The following PDLIM5 variants were observed in gnomAD, a reference collection of about 807,000 sequenced individuals.
The protein encoded by PDLIM5 is PDZ and LIM domain protein 5.
A neutral mutation model predicts 64.2 loss-of-function variants in PDLIM5; 34 were observed. The ratio of observed to expected loss-of-function variants is 0.53; its 90% confidence interval spans 0.40 to 0.71. PDLIM5 has a LOEUF of 0.71. PDLIM5 is among the 30% of genes least tolerant of loss of function. The probability of loss-of-function intolerance (pLI) is 0.00; values close to 1 mark genes in which losing one functional copy is unlikely to be tolerated. For synonymous variants in PDLIM5, 253 were observed against 269.1 expected (o/e 0.94, Z 0.59); for missense variants, 683 against 733.6 (o/e 0.93, Z 0.80).
intron 9 of PDLIM5, among the ~76,000 whole-genome samples, chr4:94,645,564 T>C (rs1009448538): frequency 6.6e-6 from 1 of 152,188 alleles, no homozygotes; most frequent in African/African-American, 2.4e-5. Flanking sequence ...ATTCATTAAA[T>C]ATTTATTGAG....
intron 2 of PDLIM5, among the ~76,000 whole-genome samples, chr4:94,506,174 G>C (rs1415411881): frequency 6.6e-6 from 1 of 152,172 alleles, no homozygotes; most frequent in Non-Finnish European, 1.5e-5. Context: ...GCCAAGTGTG[G>C]GAAGTACTGC....
chr4:94,480,774 C>G (rs1447597752), intron 2 of PDLIM5, among the ~76,000 whole-genome samples: 1 of 152,102 alleles, frequency 6.6e-6, no homozygotes, highest in African/African-American at 2.4e-5. Context: ...CTCTGTCATA[C>G]AGAGAGGGCA....
At chr4:94,650,355 A>G (rs1206415707) in intron 9 of PDLIM5, among the ~76,000 whole-genome samples, 1 of 152,232 alleles carries the variant, frequency 6.6e-6, no homozygotes, top group Admixed American at 6.5e-5. Flanking sequence ...ACAAAAACAT[A>G]AAAGTGGTTT....
chr4:94,550,730 G>A (rs1560695902), intron 3 of PDLIM5, among the ~76,000 whole-genome samples: 1 of 152,054 alleles, frequency 6.6e-6, no homozygotes, highest in African/African-American at 2.4e-5. Context: ...CATACTTGAG[G>A]AGCAAAAGGG....
At chr4:94,572,856 A>G (rs1734924588) in intron 3 of PDLIM5, among the ~76,000 whole-genome samples, 1 of 152,232 alleles carries the variant, frequency 6.6e-6, no homozygotes, top group Non-Finnish European at 1.5e-5. Flanking sequence ...ATATTCATTC[A>G]TTGACCCAAT....
rs1553940971 is a variant in PDLIM5 at position 94,494,432 on chromosome 4, G to GGTTTTTTTTTTTTTTTTTTTTTT, written c.97-29292_97-29291insGTTTTTTTTTTTTTTTTTTTTTT. Among the ~76,000 whole-genome samples, 52 of 70,772 alleles carry GGTTTTTTTTTTTTTTTTTTTTTT rather than the reference G, an allele frequency of 7.3e-4. 7 individuals carry two copies. Among genetic ancestry groups the GGTTTTTTTTTTTTTTTTTTTTTT allele is most frequent in the Non-Finnish European group, 1.1e-3 (40 of 36,262 alleles). 46.4% of individuals were successfully genotyped at this position (70,772 alleles called of 152,430 possible). ...AGCATTCACTAATTTTTTTTTTCTT[G>GGTTTTTTTTTTTTTTTTTTTTTT]TTTTTTTTTTTTTTTTTTTTTTTTG... On this transcript the variant is annotated intron_variant, in intron 2 of 12. Coordinates refer to ENST00000317968, the MANE Select transcript of PDLIM5 (RefSeq NM_006457.5).
At chr4:94,654,212 G>A (rs931777367) in intron 9 of PDLIM5, among the ~76,000 whole-genome samples, 2 of 152,052 alleles carry the variant, frequency 1.3e-5, no homozygotes, top group Admixed American at 1.3e-4. Context: ...AATTCCCTTA[G>A]GCAGAAAAAG....
chr4:94,666,634 T>G lies in PDLIM5; in HGVS notation c.*2567T>G, dbSNP rs1450068971. 1 of 152,602 alleles carries G rather than the reference T, an allele frequency of 6.6e-6. No homozygotes were observed. Among genetic ancestry groups the G allele is most frequent in the Non-Finnish European group, 1.5e-5 (1 of 68,046 alleles). 9.5% of individuals were successfully genotyped at this position (152,602 alleles called of 1,614,324 possible). A position where few individuals can be genotyped will look rare whatever the true frequency, so the allele number is the denominator to read the frequency against. ...ATATGCCAAGATAGTATTTGATAAG[T>G]CAATGACATTTGGATGTTTTCTTCA... On this transcript the variant is annotated 3_prime_UTR_variant, in exon 13 of 13. Transcript: ENST00000317968.
intron 3 of PDLIM5, among the ~76,000 whole-genome samples, chr4:94,557,045 C>T (rs1299834143): frequency 6.6e-6 from 1 of 152,190 alleles, no homozygotes; most frequent in Non-Finnish European, 1.5e-5. Context: ...GTAGGTCTAA[C>T]ATTTAAGTCT....
At chr4:94,546,305 C>T (rs567524374) in intron 3 of PDLIM5, among the ~76,000 whole-genome samples, 104 of 152,196 alleles carry the variant, frequency 6.8e-4, no homozygotes, top group Non-Finnish European at 1.2e-3. Flanking sequence ...TAAACCTTAC[C>T]GCCTACCTTA....
At chr4:94,609,994 G>A (rs775238934) in intron 7 of PDLIM5, among the ~76,000 whole-genome samples, 12 of 152,166 alleles carry the variant, frequency 7.9e-5, no homozygotes, top group Non-Finnish European at 1.3e-4. Context: ...GAGAGAAACC[G>A]TAGGAGCACA....
intron 2 of PDLIM5, among the ~76,000 whole-genome samples, chr4:94,517,950 T>C (rs1378052454): frequency 6.6e-6 from 1 of 152,232 alleles, no homozygotes; most frequent in Admixed American, 6.5e-5. Flanking sequence ...ATCATTTCTA[T>C]TGCTGATGCC....
chr4:94,454,539 G>T (rs1723154110), intron 1 of PDLIM5, among the ~76,000 whole-genome samples: 1 of 152,036 alleles, frequency 6.6e-6, no homozygotes, highest in African/African-American at 2.4e-5. Flanking sequence ...CTCTCTGCCT[G>T]GTGAGGTGTG....
chr4:94,633,684 G>A (rs1317158495), intron 8 of PDLIM5, among the ~76,000 whole-genome samples: 1 of 152,170 alleles, frequency 6.6e-6, no homozygotes, highest in Non-Finnish European at 1.5e-5. Flanking sequence ...GCTAGGGATA[G>A]AGCAATGTAC....
At chr4:94,579,127 C>G in intron 5 of PDLIM5, 1 of 154,534 alleles carries the variant, frequency 6.5e-6, no homozygotes, top group Non-Finnish European at 1.4e-5. Flanking sequence ...TGTAAGCATT[C>G]CTGTTCCTTC....
At position 94,665,514 on chromosome 4, in the gene PDLIM5, A is replaced by C; in HGVS notation, c.*1447A>C. Reference sequence around the variant, plus strand: ...AAAAAAAAAAAAAAAAAAGAGAGAGAGAGAATAAATAGAAAAGAATGTGGC... The same window carrying C: ...AAAAAAAAAAAAAAAAAAGAGAGAGCGAGAATAAATAGAAAAGAATGTGGC... On this transcript the variant is annotated 3_prime_UTR_variant, in exon 13 of 13. Transcript: ENST00000317968. The C allele has an allele frequency of 4.1e-6, 3 of 732,624 alleles. No homozygotes were observed. Among genetic ancestry groups the C allele is most frequent in the Non-Finnish European group, 3.3e-6 (2 of 602,222 alleles). The allele number at this position is 732,624 out of a possible 1,614,324, so 45.4% of individuals were successfully genotyped here. A position where few individuals can be genotyped will look rare whatever the true frequency, so the allele number is the denominator to read the frequency against.
intron 7 of PDLIM5, chr4:94,587,129 A>C: frequency 6.5e-7 from 1 of 1,538,134 alleles, no homozygotes. Context: ...CTTTTCATTT[A>C]CTTTTTTTTT....
Position 94,638,585 on chromosome 4 carries a change from A to G in PDLIM5, c.1109-1691A>G, listed in dbSNP as rs529459979. Among the ~76,000 whole-genome samples the G allele has an allele frequency of 7.9e-5, 12 of 152,362 alleles. 1 individual carries two copies. In the South Asian group the frequency reaches 2.1e-3, roughly 26 times the overall value. On this transcript the variant is annotated intron_variant, in intron 8 of 12. Coordinates refer to ENST00000317968, the MANE Select transcript of PDLIM5 (RefSeq NM_006457.5). ...TTCCCAATTCCAACTACACTTTAAT[A>G]TACTGTCAATGTGTTTTTACATATA...
At chr4:94,640,638 C>A (rs1015077632) in intron 9 of PDLIM5, among the ~76,000 whole-genome samples, 188 bp downstream of exon 9, 1 of 151,234 alleles carries the variant, frequency 6.6e-6, no homozygotes, top group East Asian at 1.9e-4. Context: ...AAAGGTAATA[C>A]GGAGGTCTGT....
Sources: allele counts gnomAD v4.1 joint callset (sites outside exome capture counted in the v4.1 genomes callset), GRCh38; gene constraint gnomAD v4.1.1; transcripts MANE v1.5; gene names NCBI Gene and HGNC (gene_info 2026-07-23, HGNC 2026-07-21).